Variants in AP3B2 observed in about 807,000 individuals in gnomAD.
AP3B2 encodes the protein AP-3 complex subunit beta-2.
In AP3B2, 50 loss-of-function variants were observed where a neutral mutation model predicts 126.9. The observed-to-expected ratio is 0.39, with a 90% confidence interval of 0.31 to 0.50. The LOEUF (loss-of-function observed/expected upper bound fraction) is 0.50, where lower values mean the gene tolerates loss of function less well. Ranked by LOEUF, AP3B2 falls within the 20% of genes least tolerant of loss-of-function variation. The pLI is 0.79. For missense variants in AP3B2, 1,177 were observed against 1,426.4 expected, an observed-to-expected ratio of 0.83 and a Z score of 2.82; for synonymous variants, 541 against 565.0, an observed-to-expected ratio of 0.96 and a Z score of 0.60.
Position 82,688,843 on chromosome 15 carries a change from C to A in AP3B2, c.265-12G>T. ...ACAAGCTTCTTCACCTTGGGGAGAG[C>A]ACGTTTCTCAGCAGAACGCTTCTCA... On this transcript the variant is annotated splice_polypyrimidine_tract_variant and intron_variant, in intron 3 of 26. Transcript: ENST00000535359. 3 of 1,603,868 alleles carry A rather than the reference C, an allele frequency of 1.9e-6. No individual in the cohort carries two copies. The highest frequency in any genetic ancestry group is 1.1e-5 in the South Asian group (1 of 89,184).
rs763844101 is a variant in AP3B2 at position 82,665,494 on chromosome 15, G to A, written c.1934C>T (p.Pro645Leu). Reference sequence around the variant, plus strand: ...CACAGATGGGTCTGGGGCTTCCTCCGGCCAGTCTGGGAGCTCCTGGTAGCC... The same window carrying A: ...CACAGATGGGTCTGGGGCTTCCTCCAGCCAGTCTGGGAGCTCCTGGTAGCC... Reference protein sequence around the residue: ...ATGYQELPDWPEEAPDPSVRN... With the variant: ...ATGYQELPDWLEEAPDPSVRN... The change falls in exon 16 of 27, where the codon CCG becomes CTG. Residue 645 changes from proline to leucine, a missense_variant. Pro to Leu is a moderately conservative substitution (Grantham distance 98). Around this residue, in one of 5 missense-constraint regions of AP3B2, gnomAD observed 308 missense variants for 452.4 expected, o/e 0.68. Coordinates refer to ENST00000535359, the MANE Select transcript of AP3B2 (RefSeq NM_001278512.2). This position sits in a 1 kb window ranked among gnomAD's most constrained non-coding sequence, Gnocchi z 4.4. 5.6e-6 allele frequency: 9 copies of A among 1,613,214 alleles called. No individual in the cohort carries two copies. Among genetic ancestry groups the A allele is most frequent in the South Asian group, 3.3e-5 (3 of 91,062 alleles).
chr15:82,666,651 G>GC, intron 15 of AP3B2, 96 bp downstream of exon 15: 1 of 1,371,396 alleles, frequency 7.3e-7, no homozygotes, highest in Non-Finnish European at 9.9e-7. Context: ...CAGAAGCCTG[G>GC]TGCCTGGCTA....
At position 82,679,720 on chromosome 15, in the gene AP3B2, C is replaced by G. The variant is rs1195831974; in HGVS notation, c.1182+9G>C. ...CTGGGAAGCACATGCACTTCTGTCC[C>G]TCACTCACCTTCAGGATCTTAATCT... On this transcript the variant is annotated intron_variant, in intron 10 of 26. Transcript: ENST00000535359. The G allele has an allele frequency of 2.6e-5, 42 of 1,612,576 alleles. No homozygotes were observed. In the East Asian group the frequency reaches 9.1e-4, roughly 35 times the overall value.
At chr15:82,675,233 TCTC>T (rs1254079171) in intron 14 of AP3B2, among the ~76,000 whole-genome samples, 1 of 152,184 alleles carries the variant, frequency 6.6e-6, no homozygotes, top group Non-Finnish European at 1.5e-5. Context: ...GTCCAGTGTC[TCTC>T]CTCCTTCCAC....
intron 21 of AP3B2, 83 bp downstream of exon 21, chr15:82,663,477 C>A: frequency 6.7e-7 from 1 of 1,487,678 alleles, no homozygotes; most frequent in Non-Finnish European, 9.3e-7. Context: ...ACCTGAGGAA[C>A]CCGATCCAGA....
intron 4 of AP3B2, among the ~76,000 whole-genome samples, chr15:82,684,935 G>T (rs1036578738): frequency 6.6e-6 from 1 of 152,164 alleles, no homozygotes; most frequent in Non-Finnish European, 1.5e-5. Flanking sequence ...TCTAGCTTTT[G>T]ATTTAAAGTG....
At chr15:82,687,949 A>C (rs1271952056) in intron 4 of AP3B2, 1 of 154,898 alleles carries the variant, frequency 6.5e-6, no homozygotes, top group Non-Finnish European at 1.4e-5. Flanking sequence ...AAACTACAAA[A>C]AAATTAGCCG....
intron 1 of AP3B2, among the ~76,000 whole-genome samples, chr15:82,703,998 C>G (rs2048759049): frequency 6.6e-6 from 1 of 152,178 alleles, no homozygotes; most frequent in African/African-American, 2.4e-5. Flanking sequence ...GTCCGGCTTA[C>G]AGTTTTGTTC....
At chr15:82,669,738 C>G (rs1006777200) in intron 14 of AP3B2, among the ~76,000 whole-genome samples, 2 of 146,414 alleles carry the variant, frequency 1.4e-5, no homozygotes. Context: ...TGGCTCACAC[C>G]TGTAATCCTA....
In AP3B2 at chr15:82,659,919, G is replaced by A; in HGVS notation, c.3081C>T (p.Asp1027=). The change falls in exon 26 of 27, where the codon GAC becomes GAT. Residue 1027 remains aspartate, a synonymous_variant. Transcript: ENST00000535359. ...KLMLPDTCRS[D]HIVVQKVTAT... ...CAGTCACTTTCTGCACCACAATGTG[G>A]TCACTCCGACAGGTGTCTGGCAGCA... The A allele has an allele frequency of 1.2e-6, 2 of 1,613,918 alleles. No homozygotes were observed. Among genetic ancestry groups the A allele is most frequent in the Non-Finnish European group, 1.7e-6 (2 of 1,179,862 alleles).
rs2048033926 is a variant in AP3B2 at position 82,665,373 on chromosome 15, A to C, written c.1972-70T>G. On this transcript the variant is annotated intron_variant, in intron 16 of 26. Transcript: ENST00000535359. The surrounding 1 kb of genome is among the most constrained non-coding windows in gnomAD (Gnocchi z 4.4). ...CCAGGGCTCCCTACTGTCTGCCCCC[A>C]CCAACACACACACACACACACACAC... 6.9e-7 allele frequency: 1 copy of C among 1,443,648 alleles called. No homozygotes were observed. Among genetic ancestry groups the C allele is most frequent in the African/African-American group, 1.6e-5 (1 of 64,060 alleles). 89.4% of individuals were successfully genotyped at this position (1,443,648 alleles called of 1,614,324 possible).
At chr15:82,679,935 T>A (rs1596181268) in intron 9 of AP3B2, 135 bp from the exon 10 acceptor site, 1 of 939,168 alleles carries the variant, frequency 1.1e-6, no homozygotes, top group African/African-American at 1.6e-5. Flanking sequence ...CCTCAAGTCT[T>A]CCCTCGTCCA....
intron 10 of AP3B2, 78 bp from the exon 11 acceptor site, chr15:82,678,245 C>T (rs956086086): frequency 5.2e-6 from 7 of 1,356,748 alleles, no homozygotes; most frequent in South Asian, 1.2e-5. Context: ...AAATACACTT[C>T]ATAGACCAGA....
chr15:82,695,663 T>G (rs935817107), intron 1 of AP3B2, among the ~76,000 whole-genome samples: 3 of 152,154 alleles, frequency 2.0e-5, no homozygotes, highest in African/African-American at 7.2e-5. Context: ...GTCTCTACCC[T>G]TTATAATAAA....
intron 1 of AP3B2, among the ~76,000 whole-genome samples, chr15:82,703,091 C>T (rs926936877): frequency 6.6e-6 from 1 of 152,104 alleles, no homozygotes; most frequent in Admixed American, 6.5e-5. Context: ...CCCAAAACTC[C>T]GGCGCCGATC....
chr15:82,661,259 T>C (rs1252037334), intron 25 of AP3B2, among the ~76,000 whole-genome samples: 1 of 152,210 alleles, frequency 6.6e-6, no homozygotes, highest in Non-Finnish European at 1.5e-5. Context: ...TTCCTGGGCA[T>C]AGACCCATAT....
Position 82,681,290 on chromosome 15 carries a change from C to CTT in AP3B2, c.522-113_522-112insAA, listed in dbSNP as rs2048336246. The CTT allele has an allele frequency of 4.6e-6, 7 of 1,518,140 alleles. No individual in the cohort carries two copies. Among genetic ancestry groups the CTT allele is most frequent in the Non-Finnish European group, 6.3e-6 (7 of 1,116,998 alleles). The allele number at this position is 1,518,140 out of a possible 1,614,324, so 94.0% of individuals were successfully genotyped here. On this transcript the variant is annotated intron_variant, in intron 5 of 26. Coordinates refer to ENST00000535359, the MANE Select transcript of AP3B2 (RefSeq NM_001278512.2). The surrounding 1 kb of genome is among the most constrained non-coding windows in gnomAD (Gnocchi z 4.0). ...CCAGCCTTATTGTTCTCCTCCATCT[C>CTT]TGTCAGTCCCCCAAACTACCCTCCT... is the stretch of plus-strand genomic sequence containing the variant.
intron 25 of AP3B2, 45 bp from the exon 26 acceptor site, chr15:82,660,028 A>C (rs760143523): frequency 6.3e-7 from 1 of 1,598,072 alleles, no homozygotes; most frequent in Non-Finnish European, 8.6e-7. Context: ...TGGTGGGTAC[A>C]GAGGCCAGCA....
chr15:82,690,706 T>TGCA (rs201029452), intron 1 of AP3B2, among the ~76,000 whole-genome samples: 28,199 of 135,554 alleles, frequency 0.21, 3,424 homozygotes, highest in Admixed American at 0.34. Context: ...CAGGCTGGAG[T>TGCA]GCAGTGGCGC....
Sources: gnomAD v4.1 joint callset for allele counts (sites outside exome capture counted in the v4.1 genomes callset) on GRCh38, gnomAD v4.1.1 for gene constraint, gnomAD v4.1.1 regional missense constraint, Gnocchi (gnomAD v3.1) non-coding constraint, MANE v1.5 for transcripts, NCBI Gene and HGNC (gene_info 2026-07-23, HGNC 2026-07-21) for gene names.